TSPAN9: variants seen among roughly 807,000 people sequenced by gnomAD.
TSPAN9 encodes tetraspanin 9, also known as tetraspanin-9.
In TSPAN9, 16 loss-of-function variants were observed where a neutral mutation model predicts 31.0. The ratio of observed to expected loss-of-function variants is 0.52; its 90% CI spans 0.35 to 0.78. The LOEUF (loss-of-function observed/expected upper bound fraction) is 0.78, where lower values mean the gene tolerates loss of function less well. Ranked by LOEUF, TSPAN9 falls within the 30% of genes least tolerant of loss-of-function variation. The probability of loss-of-function intolerance (pLI) is 0.01; values close to 1 mark genes in which losing one functional copy is unlikely to be tolerated. For missense variants in TSPAN9, 272 were observed against 312.5 expected (o/e 0.87, Z 0.98); for synonymous variants, 145 against 121.6 (o/e 1.19, Z -1.27).
chr12:3,079,645 A>G (rs1371641784), intron 1 of TSPAN9, among the ~76,000 whole-genome samples: 1 of 152,130 alleles, frequency 6.6e-6, no homozygotes, highest in East Asian at 1.9e-4. Flanking sequence ...TATTTTTAGT[A>G]GAGATGGAGT....
chr12:3,275,667 GCTTTGTGA>G lies in TSPAN9; in HGVS notation c.64-2753_64-2746del, dbSNP rs1189985372. On this transcript the variant is annotated intron_variant, in intron 3 of 8. Coordinates refer to ENST00000011898, the MANE Select transcript of TSPAN9 (RefSeq NM_006675.5). The stretch of plus-strand genomic sequence containing the variant: ...GGGGCTAGCCCCGTTCCCTGGCGAA[GCTTTGTGA>G]TGGCCCAGTTGGGCGATGCTGTGGG... Among the ~76,000 whole-genome samples the G allele has an allele frequency of 2.0e-5, 3 of 152,252 alleles. No homozygotes were observed. In the East Asian group the frequency reaches 5.8e-4, roughly 29 times the overall value.
intron 3 of TSPAN9, among the ~76,000 whole-genome samples, chr12:3,207,117 G>A (rs942540745): frequency 2.8e-4 from 42 of 152,168 alleles, no homozygotes; most frequent in African/African-American, 1.0e-3. Flanking sequence ...AGTGGGTTCC[G>A]AAGTAGAGGG....
chr12:3,088,990 T>C (rs2098302319), intron 2 of TSPAN9, among the ~76,000 whole-genome samples: 1 of 151,924 alleles, frequency 6.6e-6, no homozygotes, highest in African/African-American at 2.4e-5. Context: ...CCCAGCACTT[T>C]GGGAGGCCGA....
Position 3,107,171 on chromosome 12 carries a change from G to C in TSPAN9, c.-18+23452G>C, listed in dbSNP as rs530160004. 6.6e-6 allele frequency among the ~76,000 whole-genome samples: 1 copy of C among 152,176 alleles called. No individual in the cohort carries two copies. Among genetic ancestry groups the C allele is most frequent in the Admixed American group, 6.5e-5 (1 of 15,276 alleles). On this transcript the variant is annotated intron_variant, in intron 2 of 8. Coordinates refer to ENST00000011898, the MANE Select transcript of TSPAN9 (RefSeq NM_006675.5). This position sits in a 1 kb window ranked among gnomAD's most constrained non-coding sequence, Gnocchi z 4.1. ...GAAATCCAATTAGACTTGAGCCGCC[G>C]GCGGCCCCCTCCGTGGGGAGTGGGG...
At chr12:3,242,611 G>C (rs1414232587) in intron 3 of TSPAN9, among the ~76,000 whole-genome samples, 1 of 152,224 alleles carries the variant, frequency 6.6e-6, no homozygotes, top group African/African-American at 2.4e-5. Context: ...GCGGAGCCCA[G>C]CTGACAGCTC....
intron 2 of TSPAN9, chr12:3,200,976 G>C: frequency 1.8e-6 from 1 of 565,684 alleles, no homozygotes; most frequent in Non-Finnish European, 3.1e-6. Context: ...TCTTTGGACA[G>C]CAAGGACTCG....
At chr12:3,132,228 A>G (rs1357129534) in intron 2 of TSPAN9, among the ~76,000 whole-genome samples, 1 of 152,164 alleles carries the variant, frequency 6.6e-6, no homozygotes, top group East Asian at 1.9e-4. Context: ...TGCTATGAAC[A>G]TTCATGCACA....
intron 2 of TSPAN9, among the ~76,000 whole-genome samples, chr12:3,175,445 G>A (rs1401559268): frequency 5.9e-5 from 9 of 152,224 alleles, no homozygotes; most frequent in Admixed American, 5.2e-4. Flanking sequence ...GAGAGCTGCA[G>A]ACACCAGGAA....
At chr12:3,155,149 G>A (rs1457166310) in intron 2 of TSPAN9, among the ~76,000 whole-genome samples, 1 of 152,160 alleles carries the variant, frequency 6.6e-6, no homozygotes, top group African/African-American at 2.4e-5. Flanking sequence ...AAACCTGTGC[G>A]TGGGCTGGAT....
At chr12:3,247,002 G>T (rs1862147166) in intron 3 of TSPAN9, among the ~76,000 whole-genome samples, 1 of 152,196 alleles carries the variant, frequency 6.6e-6, no homozygotes, top group African/African-American at 2.4e-5. Flanking sequence ...GGTCTGAAAA[G>T]AGCACAGCCT....
At chr12:3,183,115 C>CA (rs2098359305) in intron 2 of TSPAN9, among the ~76,000 whole-genome samples, 1 of 152,130 alleles carries the variant, frequency 6.6e-6, no homozygotes, top group Non-Finnish European at 1.5e-5. Context: ...CCGCGGTGGC[C>CA]AAGTGCTCAG....
At chr12:3,090,958 G>T (rs1259723436) in intron 2 of TSPAN9, among the ~76,000 whole-genome samples, 1 of 152,246 alleles carries the variant, frequency 6.6e-6, no homozygotes, top group African/African-American at 2.4e-5. Flanking sequence ...TGTTGTGTGT[G>T]TGCACGCGGC....
intron 3 of TSPAN9, among the ~76,000 whole-genome samples, chr12:3,240,082 G>A (rs1305680043): frequency 3.3e-5 from 5 of 151,564 alleles, no homozygotes; most frequent in Admixed American, 6.6e-5. Flanking sequence ...CAAAAATAAA[G>A]CACATAATGT....
rs1220935637 is a variant in TSPAN9 at position 3,170,817 on chromosome 12, G to A, written c.-17-30360G>A. Among the ~76,000 whole-genome samples the A allele has an allele frequency of 6.6e-6, 1 of 152,154 alleles. No individual in the cohort carries two copies. The highest frequency in any genetic ancestry group is 1.5e-5 in the Non-Finnish European group (1 of 68,024). ...AGGCTTCGAGGTCCACCATCACCTC[G>A]TTTTCTGCCGGGCAGGGACTCCTGG... On this transcript the variant is annotated intron_variant, in intron 2 of 8. Coordinates refer to ENST00000011898, the MANE Select transcript of TSPAN9 (RefSeq NM_006675.5). This position sits in a 1 kb window ranked among gnomAD's most constrained non-coding sequence, Gnocchi z 4.4.
At chr12:3,079,359 A>G (rs983066645) in intron 1 of TSPAN9, among the ~76,000 whole-genome samples, 4 of 152,228 alleles carry the variant, frequency 2.6e-5, no homozygotes, top group Non-Finnish European at 5.9e-5. Flanking sequence ...TAAGGTCACA[A>G]CACTCATTAA....
At chr12:3,121,339 CAGGGGATGTTG>C (rs1336802539) in intron 2 of TSPAN9, among the ~76,000 whole-genome samples, 4 of 132,088 alleles carry the variant, frequency 3.0e-5, no homozygotes, top group Non-Finnish European at 6.3e-5. Context: ...TTTTTCAAAA[CAGGGGATGTTG>C]GCTTTTTTTT....
intron 3 of TSPAN9, among the ~76,000 whole-genome samples, chr12:3,239,000 G>A (rs2098395244): frequency 6.6e-6 from 1 of 152,218 alleles, no homozygotes; most frequent in South Asian, 2.1e-4. Context: ...GGGTAGGTGA[G>A]TTCCCACTGG....
chr12:3,283,246 C>T lies in TSPAN9; in HGVS notation c.*130C>T, dbSNP rs1862936169. On this transcript the variant is annotated 3_prime_UTR_variant, in exon 9 of 9. Coordinates refer to ENST00000011898, the MANE Select transcript of TSPAN9 (RefSeq NM_006675.5). ...ACCCCCCACAGCCTGCCCTACCCCA[C>T]CTACCCTGCCTCAGCCTCGGACTTC... 2 of 892,688 alleles carry T rather than the reference C, an allele frequency of 2.2e-6. No individual in the cohort carries two copies. Among genetic ancestry groups the T allele is most frequent in the South Asian group, 3.7e-5 (2 of 54,388 alleles). 55.3% of individuals were successfully genotyped at this position (892,688 alleles called of 1,614,324 possible).
At chr12:3,248,282 A>G (rs1862178973) in intron 3 of TSPAN9, among the ~76,000 whole-genome samples, 2 of 152,170 alleles carry the variant, frequency 1.3e-5, no homozygotes, top group Admixed American at 1.3e-4. Flanking sequence ...TTTTCTGAAC[A>G]GATTGGAGGT....
Sources: allele counts gnomAD v4.1 joint callset (sites outside exome capture counted in the v4.1 genomes callset), GRCh38; gene constraint gnomAD v4.1.1; non-coding constraint Gnocchi (gnomAD v3.1); transcripts MANE v1.5; gene names NCBI Gene and HGNC (gene_info 2026-07-23, HGNC 2026-07-21).